The following HDAC1 variants were observed in gnomAD, a reference collection of about 807,000 sequenced individuals.
HDAC1 encodes the protein protein deacetylase HDAC1.
Under a neutral mutation model 65.5 loss-of-function variants are expected in HDAC1, and 18 were observed. The ratio of observed to expected loss-of-function variants is 0.27; its 90% CI spans 0.19 to 0.41. The LOEUF (loss-of-function observed/expected upper bound fraction) is 0.41, where lower values mean the gene tolerates loss of function less well. HDAC1 is among the 10% of genes least tolerant of loss of function. HDAC1 has a pLI of 1.00. For synonymous variants in HDAC1, 211 were observed against 227.9 expected (o/e 0.93, Z 0.67); for missense variants, 373 against 625.2 (o/e 0.60, Z 4.30).
intron 2 of HDAC1, among the ~76,000 whole-genome samples, chr1:32,307,774 A>G (rs969238384): frequency 2.0e-5 from 3 of 152,176 alleles, no homozygotes; most frequent in Admixed American, 1.3e-4. Flanking sequence ...GGATTGTTAG[A>G]AGGTGATTTG....
chr1:32,292,657 C>T (rs1220047112), intron 1 of HDAC1, among the ~76,000 whole-genome samples: 5 of 152,084 alleles, frequency 3.3e-5, no homozygotes, highest in African/African-American at 1.2e-4. Flanking sequence ...TCCCCTCCCC[C>T]AGCCTCTGAG....
chr1:32,299,785 G>C (rs1310554612), intron 1 of HDAC1, among the ~76,000 whole-genome samples: 1 of 152,144 alleles, frequency 6.6e-6, no homozygotes, highest in Admixed American at 6.5e-5. Context: ...GGCCTGGCAC[G>C]GTGGCTCACA....
At position 32,331,848 on chromosome 1, in the gene HDAC1, G is replaced by A; in HGVS notation, c.1219+42G>A. The A allele has an allele frequency of 6.4e-7, 1 of 1,562,248 alleles. No homozygotes were observed. Among genetic ancestry groups the A allele is most frequent in the Middle Eastern group, 1.7e-4 (1 of 5,796 alleles). On this transcript the variant is annotated intron_variant, in intron 11 of 13. Coordinates refer to ENST00000373548, the MANE Select transcript of HDAC1 (RefSeq NM_004964.3). This position sits in a 1 kb window ranked among gnomAD's most constrained non-coding sequence, Gnocchi z 4.2. ...GAGCCCTATGCCTTCCATTCAATAG[G>A]CAGCTCACACTTCCACCACCATTCC...
intron 2 of HDAC1, among the ~76,000 whole-genome samples, chr1:32,316,366 C>G (rs1641064385): frequency 6.6e-6 from 1 of 152,190 alleles, no homozygotes; most frequent in Non-Finnish European, 1.5e-5. Context: ...CTCAACTTCC[C>G]TGTGTGGTCT....
intron 1 of HDAC1, among the ~76,000 whole-genome samples, chr1:32,301,369 C>A (rs1487237118): frequency 6.6e-6 from 1 of 152,052 alleles, no homozygotes; most frequent in Non-Finnish European, 1.5e-5. Context: ...TGGCGTGAAC[C>A]CTGGAGGCGG....
At chr1:32,298,052 G>A (rs1418762177) in intron 1 of HDAC1, among the ~76,000 whole-genome samples, 2 of 149,282 alleles carry the variant, frequency 1.3e-5, no homozygotes, top group Non-Finnish European at 3.0e-5. Context: ...GCCTCCCAAA[G>A]TGGTGGGATT....
In HDAC1 at chr1:32,327,618, G is replaced by A. The variant is rs201750526; in HGVS notation, c.577G>A (p.Val193Ile). The change falls in exon 6 of 14, where the codon GTC becomes ATC. Residue 193 changes from valine (V) to isoleucine (I), a missense_variant. Physicochemically the swap from Val to Ile is conservative, Grantham distance 29. This residue lies in a region of HDAC1 where 62 missense variants were observed against 180.0 expected (regional missense o/e 0.34). Coordinates refer to ENST00000373548, the MANE Select transcript of HDAC1 (RefSeq NM_004964.3). This position sits in a 1 kb window ranked among gnomAD's most constrained non-coding sequence, Gnocchi z 6.0. ...VEEAFYTTDRVMTVSFHKYGE... is the reference protein window; with the variant it reads ...VEEAFYTTDRIMTVSFHKYGE... ...AGAGGCCTTCTACACCACGGACCGG[G>A]TCATGACTGTGTCCTTTCATAAGTA... 4.3e-6 allele frequency: 7 copies of A among 1,613,908 alleles called. No homozygotes were observed. The Admixed American group carries it at 6.7e-5, about 15-fold the overall frequency.
intron 3 of HDAC1, among the ~76,000 whole-genome samples, chr1:32,318,121 G>A (rs1249168462): frequency 1.3e-5 from 2 of 152,260 alleles, no homozygotes; most frequent in South Asian, 2.1e-4. Context: ...CACCACGCCC[G>A]GCTAATTTTG....
In HDAC1 at chr1:32,330,831, G is replaced by A. The variant is rs2148072494; in HGVS notation, c.902G>A (p.Gly301Asp). The A allele has an allele frequency of 6.2e-7, 1 of 1,614,082 alleles. No homozygotes were observed. The highest frequency in any genetic ancestry group is 8.5e-7 in the Non-Finnish European group (1 of 1,179,964). ...CTGCCTATGCTGATGCTGGGAGGCG[G>A]TGGTTACACCATTCGTAACGTTGCC... The part of the protein sequence containing the change: ...FNLPMLMLGG[G>D]GYTIRNVARC... The change falls in exon 9 of 14, where the codon GGT becomes GAT. Residue 301 changes from glycine (G) to aspartate (D), a missense_variant. Physicochemically the swap from Gly to Asp is moderately conservative, Grantham distance 94. This residue lies in a region of HDAC1 where 105 missense variants were observed against 192.6 expected (regional missense o/e 0.55). Transcript: ENST00000373548. The surrounding 1 kb of genome is among the most constrained non-coding windows in gnomAD (Gnocchi z 4.2).
chr1:32,333,127 T>C lies in HDAC1; in HGVS notation c.*83T>C, dbSNP rs1012075668. The C allele has an allele frequency of 4.7e-6, 5 of 1,065,950 alleles. No homozygotes were observed. Among genetic ancestry groups the C allele is most frequent in the Non-Finnish European group, 5.4e-6 (4 of 735,172 alleles). The allele number at this position is 1,065,950 out of a possible 1,614,324, so 66.0% of individuals were successfully genotyped here. On this transcript the variant is annotated 3_prime_UTR_variant, in exon 14 of 14. Transcript: ENST00000373548. ...TCAGATTTTATATTTTCTATTTCTC[T>C]GTGTATTTATATAAAAATTTATTAA... is the stretch of plus-strand genomic sequence containing the variant.
In HDAC1 at chr1:32,332,262, G is replaced by A. The variant is rs1422927267; in HGVS notation, c.1372+20G>A. ...AGAAAGGTGGGTTTGGGTTCAGCTGGGACTTGGGTCTCGAGCCTGAGAGGA... is the reference window on the plus strand; with the variant it reads ...AGAAAGGTGGGTTTGGGTTCAGCTGAGACTTGGGTCTCGAGCCTGAGAGGA... On this transcript the variant is annotated intron_variant, in intron 12 of 13. Coordinates refer to ENST00000373548, the MANE Select transcript of HDAC1 (RefSeq NM_004964.3). The A allele has an allele frequency of 1.2e-6, 2 of 1,602,612 alleles. No individual in the cohort carries two copies. The highest frequency in any genetic ancestry group is 2.2e-5 in the South Asian group (2 of 89,488).
rs1641230599 is a variant in HDAC1 at position 32,327,214 on chromosome 1, C to G, written c.494+137C>G. 9.9e-6 allele frequency: 8 copies of G among 805,130 alleles called. No homozygotes were observed. The highest frequency in any genetic ancestry group is 1.6e-5 in the Non-Finnish European group (8 of 501,976). 49.9% of individuals were successfully genotyped at this position (805,130 alleles called of 1,614,324 possible). On this transcript the variant is annotated intron_variant, in intron 5 of 13. Transcript: ENST00000373548. This position sits in a 1 kb window ranked among gnomAD's most constrained non-coding sequence, Gnocchi z 6.0. ...GGATGTGCTCGGTGAGTGTCTCTGG[C>G]CATCATCTCCTTGATGGGGTCTTGG...
At position 32,327,318 on chromosome 1, in the gene HDAC1, T is replaced by C; in HGVS notation, c.495-218T>C. 3 of 617,202 alleles carry C rather than the reference T, an allele frequency of 4.9e-6. No individual in the cohort carries two copies. The highest frequency in any genetic ancestry group is 8.6e-6 in the Non-Finnish European group (3 of 350,662). The allele number at this position is 617,202 out of a possible 1,614,324, so 38.2% of individuals were successfully genotyped here. A position where few individuals can be genotyped will look rare whatever the true frequency, so the allele number is the denominator to read the frequency against. The stretch of plus-strand genomic sequence containing the variant: ...CAGAGTGTCCCTGTGTGGCTGGAGT[T>C]GACCCTGGCTGTAGAGTAGGAAGAT... On this transcript the variant is annotated intron_variant, in intron 5 of 13. Coordinates refer to ENST00000373548, the MANE Select transcript of HDAC1 (RefSeq NM_004964.3). This position sits in a 1 kb window ranked among gnomAD's most constrained non-coding sequence, Gnocchi z 6.0.
Position 32,331,923 on chromosome 1 carries a change from G to T in HDAC1, c.1219+117G>T. On this transcript the variant is annotated intron_variant, in intron 11 of 13. Coordinates refer to ENST00000373548, the MANE Select transcript of HDAC1 (RefSeq NM_004964.3). This position sits in a 1 kb window ranked among gnomAD's most constrained non-coding sequence, Gnocchi z 4.2. The stretch of plus-strand genomic sequence containing the variant: ...CCCACCTGTAGAGAAATCTGTTTTC[G>T]AGTTCCAGTGCCTGTAGGAACAGGT... 2.1e-6 allele frequency: 3 copies of T among 1,432,644 alleles called. No homozygotes were observed. The highest frequency in any genetic ancestry group is 2.3e-5 in the East Asian group (1 of 43,220). 88.7% of individuals were successfully genotyped at this position (1,432,644 alleles called of 1,614,324 possible).
intron 2 of HDAC1, among the ~76,000 whole-genome samples, chr1:32,304,802 A>G (rs1640889987): frequency 6.6e-6 from 1 of 152,120 alleles, no homozygotes; most frequent in Non-Finnish European, 1.5e-5. Flanking sequence ...AGCTCAAAGC[A>G]ATCCGCCTGC....
At chr1:32,317,506 T>A (rs963275042) in intron 3 of HDAC1, among the ~76,000 whole-genome samples, 7 of 152,232 alleles carry the variant, frequency 4.6e-5, no homozygotes, top group Non-Finnish European at 1.0e-4. Flanking sequence ...GATTAACTTA[T>A]GACAGCTTAT....
chr1:32,316,466 T>C (rs1452396495), intron 2 of HDAC1, among the ~76,000 whole-genome samples, 199 bp from the exon 3 acceptor site: 2 of 152,228 alleles, frequency 1.3e-5, no homozygotes, highest in African/African-American at 4.8e-5. Flanking sequence ...GTAGGTCTTC[T>C]GATACTCTGT....
chr1:32,332,010 G>A (rs1557613764), intron 11 of HDAC1, 80 bp from the exon 12 acceptor site: 15 of 1,452,374 alleles, frequency 1.0e-5, no homozygotes, highest in Admixed American at 5.2e-5. Flanking sequence ...TGGAGGACAC[G>A]CAGGGAAGCA....
intron 3 of HDAC1, among the ~76,000 whole-genome samples, chr1:32,324,101 A>G (rs79124650): frequency 0.018 from 2,516 of 141,092 alleles, 25 homozygotes; most frequent in Non-Finnish European, 0.029. Context: ...CTCTGTCTCT[A>G]AAAAAAAAAA....
Sources: allele counts gnomAD v4.1 joint callset (sites outside exome capture counted in the v4.1 genomes callset), GRCh38; gene constraint gnomAD v4.1.1; regional missense constraint gnomAD v4.1.1; non-coding constraint Gnocchi (gnomAD v3.1); transcripts MANE v1.5; gene names NCBI Gene and HGNC (gene_info 2026-07-23, HGNC 2026-07-21).